TET3: variants seen among roughly 807,000 people sequenced by gnomAD.
TET3 encodes the protein tet methylcytosine dioxygenase 3.
In TET3, 19 loss-of-function variants were observed where a neutral mutation model predicts 141.4. That is an observed-to-expected ratio of 0.13 (90% confidence interval 0.09 to 0.20). The LOEUF is 0.20. Ranked by LOEUF, TET3 falls within the 10% of genes least tolerant of loss-of-function variation. TET3 has a pLI of 1.00. For synonymous variants in TET3, 1,043 were observed against 980.9 expected (o/e 1.06, Z -1.18); for missense variants, 1,874 against 2,356.9 (o/e 0.80, Z 4.24).
chr2:74,120,219 G>A, the TET3 span, among the ~76,000 whole-genome samples: 1 of 142,678 alleles, frequency 7.0e-6, no homozygotes. Context: ...TCCCCCGCCC[G>A]CCCAACCCCG....
chr2:74,036,070 C>T (rs1306647608), intron 3 of TET3, among the ~76,000 whole-genome samples: 1 of 152,158 alleles, frequency 6.6e-6, no homozygotes, highest in Non-Finnish European at 1.5e-5. Flanking sequence ...CTAAAATACC[C>T]TCTCGCGGTG....
At chr2:74,132,563 T>G in the TET3 span, among the ~76,000 whole-genome samples, 5 of 152,166 alleles carry the variant, frequency 3.3e-5, no homozygotes, top group Non-Finnish European at 1.5e-5. Flanking sequence ...TTTTTTTAAT[T>G]TTTTGTAGAA....
At chr2:74,070,884 A>G (rs1417105846) in intron 4 of TET3, among the ~76,000 whole-genome samples, 2 of 152,152 alleles carry the variant, frequency 1.3e-5, no homozygotes, top group East Asian at 1.9e-4. Flanking sequence ...CTGAGGTGGG[A>G]GGATCACTTG....
rs1223340008 is a variant in TET3, at chr2:74,100,711, A to ACAGTGGCAG, written c.3933_3941dup (p.Ser1312_Ser1314dup). 5.6e-6 allele frequency: 9 copies of ACAGTGGCAG among 1,613,968 alleles called. No homozygotes were observed. The highest frequency in any genetic ancestry group is 7.6e-6 in the Non-Finnish European group (9 of 1,179,878). Reference sequence around the variant, plus strand: ...TTCCTGGGTCCTGGTGCCTGGGGGCACAGTGGCAGCAGTGGCAGTTTTGAG... The same window carrying ACAGTGGCAG: ...TTCCTGGGTCCTGGTGCCTGGGGGCACAGTGGCAGCAGTGGCAGCAGTGGCAGTTTTGAG... On this transcript the variant is annotated inframe_insertion, in exon 12 of 12. Transcript: ENST00000409262.
At position 74,087,798 on chromosome 2, in the gene TET3, G is replaced by T. The variant is rs1268485582; in HGVS notation, c.2680-32G>T. 6.6e-7 allele frequency: 1 copy of T among 1,523,840 alleles called. No individual in the cohort carries two copies. The highest frequency in any genetic ancestry group is 8.8e-7 in the Non-Finnish European group (1 of 1,130,366). The allele number at this position is 1,523,840 out of a possible 1,614,324, so 94.4% of individuals were successfully genotyped here. A position where few individuals can be genotyped will look rare whatever the true frequency, so the allele number is the denominator to read the frequency against. On this transcript the variant is annotated intron_variant, in intron 6 of 11. Transcript: ENST00000409262. This position sits in a 1 kb window ranked among gnomAD's most constrained non-coding sequence, Gnocchi z 4.3. ...CCATGCAGAGGAGCACGGGTACCTGGCTCCTGCCCCTCACACCCTGCGTCC... is the reference window on the plus strand; with the variant it reads ...CCATGCAGAGGAGCACGGGTACCTGTCTCCTGCCCCTCACACCCTGCGTCC...
At chr2:74,116,744 G>C in the TET3 span, among the ~76,000 whole-genome samples, 1 of 149,226 alleles carries the variant, frequency 6.7e-6, no homozygotes, top group South Asian at 2.1e-4. Context: ...ATTATTATTT[G>C]TCAATTTAAA....
intron 3 of TET3, among the ~76,000 whole-genome samples, chr2:74,003,957 G>A (rs750158114): frequency 9.9e-5 from 15 of 152,192 alleles, no homozygotes; most frequent in African/African-American, 1.7e-4. Flanking sequence ...GCATGGACCC[G>A]ATCAGTAGGT....
chr2:73,996,850 A>C (rs1684616291), intron 2 of TET3, among the ~76,000 whole-genome samples: 1 of 152,218 alleles, frequency 6.6e-6, no homozygotes, highest in Non-Finnish European at 1.5e-5. Flanking sequence ...GAGGGATCGA[A>C]AAGAAGGCCG....
At position 74,103,260 on chromosome 2, in the gene TET3, T is replaced by A. The variant is rs986712603; in HGVS notation, c.*1084T>A. The stretch of plus-strand genomic sequence containing the variant: ...TGAAAAGCCAGTGGTGCTCTGTGCA[T>A]GGTGCTGTGCGGAGCCTGGTGCTGT... On this transcript the variant is annotated 3_prime_UTR_variant, in exon 12 of 12. Transcript: ENST00000409262. The A allele has an allele frequency of 1.3e-5, 2 of 152,710 alleles. No individual in the cohort carries two copies. Among genetic ancestry groups the A allele is most frequent in the African/African-American group, 4.8e-5 (2 of 41,462 alleles). The allele number at this position is 152,710 out of a possible 1,614,324, so 9.5% of individuals were successfully genotyped here.
At chr2:74,081,016 G>C (rs996371648) in intron 6 of TET3, among the ~76,000 whole-genome samples, 8 of 152,214 alleles carry the variant, frequency 5.3e-5, no homozygotes, top group African/African-American at 1.9e-4. Flanking sequence ...GGAGCTGCCA[G>C]TGCTTTTGTC....
In TET3 at chr2:74,046,823, C is replaced by T; in HGVS notation, c.906C>T (p.Pro302=). The T allele has an allele frequency of 1.2e-6, 2 of 1,613,284 alleles. No individual in the cohort carries two copies. The highest frequency in any genetic ancestry group is 1.7e-6 in the Non-Finnish European group (2 of 1,179,858). The change falls in exon 4 of 12, where the codon CCC becomes CCT. Residue 302 remains proline (P), a synonymous_variant. Coordinates refer to ENST00000409262, the MANE Select transcript of TET3 (RefSeq NM_001287491.2). The surrounding 1 kb of genome is among the most constrained non-coding windows in gnomAD (Gnocchi z 4.3). ...TCATGGAAGGAGGGGAGGAGCGGCCCAGGCTCCCAGGGCCTCTGCCTCCTG... is the reference window on the plus strand; with the variant it reads ...TCATGGAAGGAGGGGAGGAGCGGCCTAGGCTCCCAGGGCCTCTGCCTCCTG... ...SVVMEGGEER[P]RLPGPLPPGE... is the part of the protein sequence containing the mutation.
the TET3 span, among the ~76,000 whole-genome samples, chr2:74,118,483 C>T: frequency 6.6e-6 from 1 of 152,108 alleles, no homozygotes; most frequent in Non-Finnish European, 1.5e-5. Flanking sequence ...ATTTTCTTTT[C>T]TCTGGCTTAC....
At chr2:73,988,372 C>T (rs139865129) in intron 2 of TET3, among the ~76,000 whole-genome samples, 27 of 152,234 alleles carry the variant, frequency 1.8e-4, no homozygotes, top group African/African-American at 6.5e-4. Context: ...CATAATTAAA[C>T]GGGAGGAATG....
In TET3 at chr2:74,003,167, G is replaced by A; in HGVS notation, c.360+1G>A. On this transcript the variant is annotated splice_donor_variant, in intron 3 of 11. Transcript: ENST00000409262. LOFTEE classifies it high-confidence loss of function. Reference sequence around the variant, plus strand: ...GTGGGGACAAGGAGCGGCTGTCAAGGTACCTTGTGTGTGTGCGTGCGTGTG... The same window carrying A: ...GTGGGGACAAGGAGCGGCTGTCAAGATACCTTGTGTGTGTGCGTGCGTGTG... The A allele has an allele frequency of 6.5e-7, 1 of 1,549,218 alleles. No individual in the cohort carries two copies. Among genetic ancestry groups the A allele is most frequent in the Middle Eastern group, 1.7e-4 (1 of 5,984 alleles).
chr2:74,008,335 G>A (rs1036792064), intron 3 of TET3, among the ~76,000 whole-genome samples: 10 of 152,312 alleles, frequency 6.6e-5, no homozygotes, highest in African/African-American at 2.4e-4. Flanking sequence ...GGAGTCTGAT[G>A]GAGGCCCGTC....
intron 4 of TET3, among the ~76,000 whole-genome samples, chr2:74,066,473 TAATTA>T (rs1445310791): frequency 6.6e-6 from 1 of 152,236 alleles, no homozygotes; most frequent in Admixed American, 6.5e-5. Context: ...TATATGAGGA[TAATTA>T]AATTTGTACA....
the TET3 span, among the ~76,000 whole-genome samples, chr2:74,119,491 G>A: frequency 6.6e-6 from 1 of 152,072 alleles, no homozygotes; most frequent in Admixed American, 6.5e-5. Context: ...CCCAGATGAT[G>A]TGTGTTCTTC....
At position 74,070,739 on chromosome 2, in the gene TET3, C is replaced by T. The variant is rs547916299; in HGVS notation, c.2495-2810C>T. ...CTGTAATCCTAGCACTTTGGGAGGC[C>T]GAGGCAGGCAGATAGATTGAGCCCG... On this transcript the variant is annotated intron_variant, in intron 4 of 11. Transcript: ENST00000409262. 3.9e-5 allele frequency among the ~76,000 whole-genome samples: 6 copies of T among 152,170 alleles called. No homozygotes were observed. In the East Asian group the frequency reaches 9.7e-4, roughly 24 times the overall value.
At chr2:74,125,027 G>A in the TET3 span, among the ~76,000 whole-genome samples, 1 of 140,040 alleles carries the variant, frequency 7.1e-6, no homozygotes, top group Admixed American at 7.3e-5. Context: ...TTTTTTTTGA[G>A]ATGGAGTCTC....
Sources: gnomAD v4.1 joint callset for allele counts (sites outside exome capture counted in the v4.1 genomes callset) on GRCh38, gnomAD v4.1.1 for gene constraint, Gnocchi (gnomAD v3.1) non-coding constraint, MANE v1.5 for transcripts, NCBI Gene and HGNC (gene_info 2026-07-23, HGNC 2026-07-21) for gene names.